TBX6: variants seen among roughly 807,000 people sequenced by gnomAD.
TBX6 encodes the protein T-box transcription factor 6, also known as T-box transcription factor TBX6.
Under a neutral mutation model 42.3 loss-of-function variants are expected in TBX6, and 29 were observed. The ratio of observed to expected loss-of-function variants is 0.69; its 90% confidence interval spans 0.51 to 0.93. The LOEUF is 0.93. Ranked by LOEUF, TBX6 falls within the 40% of genes least tolerant of loss-of-function variation. The pLI is 0.00. For missense variants in TBX6, 569 were observed against 603.3 expected (o/e 0.94, Z 0.59); for synonymous variants, 249 against 245.1 (o/e 1.02, Z -0.15).
Position 30,085,985 on chromosome 16 carries a change from C to CA in TBX6, c.*239dup. ...GGCCAGGCAGAGCCCCTTCCATTCA[C>CA]ACGGAGGTGAGAGCCGGGAAGGGGA... On this transcript the variant is annotated 3_prime_UTR_variant, in exon 9 of 9. Transcript: ENST00000395224. 3.8e-6 allele frequency: 2 copies of CA among 521,492 alleles called. No homozygotes were observed. Among genetic ancestry groups the CA allele is most frequent in the Non-Finnish European group, 6.7e-6 (2 of 296,512 alleles). The allele number at this position is 521,492 out of a possible 1,614,324, so 32.3% of individuals were successfully genotyped here.
Position 30,091,137 on chromosome 16 carries a change from G to A in TBX6, c.57C>T (p.Pro19=), listed in dbSNP as rs1206945745. Residue 19 remains proline, a synonymous_variant, in exon 2 of 9, where the codon CCC becomes CCT. Transcript: ENST00000395224. ...AGCTGGAGTCGGCCCCAGGTTGGGC[G>A]GGCCCCAGGCGGTAGCCGGCCCCCA... ...PSLGAGYRLG[P]AQPGADSSFP... The A allele has an allele frequency of 1.0e-5, 16 of 1,594,086 alleles. No individual in the cohort carries two copies. The South Asian group carries it at 1.0e-4, about 10-fold the overall frequency.
chr16:30,089,080 C>G lies in TBX6; in HGVS notation c.484G>C (p.Gly162Arg). Reference protein sequence around the residue: ...RWQGRRWEPSGKAEPRLPDRV... With the variant: ...RWQGRRWEPSRKAEPRLPDRV... ...TCAGGCAGGCGGGGCTCTGCCTTGC[C>G]GCTGGGCTCCCAGCGCCGGCCCTGC... The change falls in exon 4 of 9, where the codon GGC becomes CGC. Residue 162 changes from glycine to arginine, a missense_variant. Coordinates refer to ENST00000395224, the MANE Select transcript of TBX6 (RefSeq NM_004608.4). 6.2e-7 allele frequency: 1 copy of G among 1,613,822 alleles called. No homozygotes were observed. The highest frequency in any genetic ancestry group is 2.2e-5 in the East Asian group (1 of 44,866).
Position 30,086,624 on chromosome 16 carries a change from C to T in TBX6, c.985G>A (p.Ala329Thr). ...GGGGCAGCGGTGGCTTCCCCGGGGG[C>T]TGGGGCCTGTTCTGGATCTGATTCA... ...IRESDPEQAPAPGEATAAPAP... is the reference protein window; with the variant it reads ...IRESDPEQAPTPGEATAAPAP... Residue 329 changes from alanine to threonine, a missense_variant, in exon 8 of 9, where the codon GCC (alanine) becomes ACC (threonine). This residue lies in a region of TBX6 where 245 missense variants were observed against 227.4 expected (regional missense o/e 1.08). Transcript: ENST00000395224. This position sits in a 1 kb window ranked among gnomAD's most constrained non-coding sequence, Gnocchi z 4.6. The T allele has an allele frequency of 6.3e-7, 1 of 1,599,038 alleles. No homozygotes were observed. The highest frequency in any genetic ancestry group is 8.5e-7 in the Non-Finnish European group (1 of 1,174,658).
Position 30,089,094 on chromosome 16 carries a change from C to A in TBX6, c.470G>T (p.Arg157Leu). 1 of 1,613,856 alleles carries A rather than the reference C, an allele frequency of 6.2e-7. No homozygotes were observed. Among genetic ancestry groups the A allele is most frequent in the East Asian group, 2.2e-5 (1 of 44,872 alleles). Reference protein sequence around the residue: ...DGARYRWQGRRWEPSGKAEPR... With the variant: ...DGARYRWQGRLWEPSGKAEPR... ...CTCTGCCTTGCCGCTGGGCTCCCAG[C>A]GCCGGCCCTGCCAGCGGTAGCGAGC... is the stretch of plus-strand genomic sequence containing the variant. Residue 157 changes from arginine to leucine, a missense_variant, in exon 4 of 9, where the codon CGC (arginine) becomes CTC (leucine). This residue lies in a region of TBX6 where 190 missense variants were observed against 250.6 expected (regional missense o/e 0.76). Coordinates refer to ENST00000395224, the MANE Select transcript of TBX6 (RefSeq NM_004608.4).
chr16:30,086,197 G>A lies in TBX6; in HGVS notation c.*28C>T. The A allele has an allele frequency of 1.9e-6, 3 of 1,605,416 alleles. No homozygotes were observed. Among genetic ancestry groups the A allele is most frequent in the Non-Finnish European group, 2.5e-6 (3 of 1,177,088 alleles). On this transcript the variant is annotated 3_prime_UTR_variant, in exon 9 of 9. Transcript: ENST00000395224. This position sits in a 1 kb window ranked among gnomAD's most constrained non-coding sequence, Gnocchi z 4.6. ...TGGGGGAAGGGAGCGGGAGGTTTGT[G>A]ATGGAGGCAGAGGGGCCCAGCAGTG...
chr16:30,086,329 G>C lies in TBX6; in HGVS notation c.1207C>G (p.Pro403Ala). 1 of 1,606,576 alleles carries C rather than the reference G, an allele frequency of 6.2e-7. No homozygotes were observed. The highest frequency in any genetic ancestry group is 8.5e-7 in the Non-Finnish European group (1 of 1,177,858). The change falls in exon 9 of 9, where the codon CCG (proline) becomes GCG (alanine). Residue 403 changes from proline (P) to alanine (A), a missense_variant. Pro to Ala is a conservative substitution (Grantham distance 27). Coordinates refer to ENST00000395224, the MANE Select transcript of TBX6 (RefSeq NM_004608.4). The surrounding 1 kb of genome is among the most constrained non-coding windows in gnomAD (Gnocchi z 4.6). Reference sequence around the variant, plus strand: ...AAGTGCGGGGCAAAGGGTACCGCCGGTGGAGCCGCTGGGTACCCGGAGCCC... The same window carrying C: ...AAGTGCGGGGCAAAGGGTACCGCCGCTGGAGCCGCTGGGTACCCGGAGCCC... Reference protein sequence around the residue: ...SGGSGYPAAPPAVPFAPHFLQ... With the variant: ...SGGSGYPAAPAAVPFAPHFLQ...
intron 3 of TBX6, among the ~76,000 whole-genome samples, chr16:30,089,653 C>T (rs2072692528): frequency 1.3e-5 from 2 of 151,732 alleles, no homozygotes; most frequent in African/African-American, 4.8e-5. Flanking sequence ...GAAAAAGGGC[C>T]AGGCGCAGTG....
In TBX6 at chr16:30,086,120, CG is replaced by C; in HGVS notation, c.*104del. 8.8e-7 allele frequency: 1 copy of C among 1,137,388 alleles called. No homozygotes were observed. The highest frequency in any genetic ancestry group is 2.9e-4 in the Middle Eastern group (1 of 3,408). The allele number at this position is 1,137,388 out of a possible 1,614,324, so 70.5% of individuals were successfully genotyped here. On this transcript the variant is annotated 3_prime_UTR_variant, in exon 9 of 9. Coordinates refer to ENST00000395224, the MANE Select transcript of TBX6 (RefSeq NM_004608.4). The surrounding 1 kb of genome is among the most constrained non-coding windows in gnomAD (Gnocchi z 4.6). ...AGGGGGTGGGTGGGCAGGCCCAAGG[CG>C]GCCATTTGGTGTGGGGGATGGGGCC... is the stretch of plus-strand genomic sequence containing the variant.
In TBX6 at chr16:30,086,074, T is replaced by C; in HGVS notation, c.*151A>G. 3.2e-6 allele frequency: 2 copies of C among 616,372 alleles called. No homozygotes were observed. The highest frequency in any genetic ancestry group is 5.1e-6 in the Non-Finnish European group (2 of 395,674). 38.2% of individuals were successfully genotyped at this position (616,372 alleles called of 1,614,324 possible). A position where few individuals can be genotyped will look rare whatever the true frequency, so the allele number is the denominator to read the frequency against. On this transcript the variant is annotated 3_prime_UTR_variant, in exon 9 of 9. Transcript: ENST00000395224. The surrounding 1 kb of genome is among the most constrained non-coding windows in gnomAD (Gnocchi z 4.6). ...CTTTGAAGCCAGAGGGGGGTGGGAG[T>C]GAAATCAAGGTGTGAAGTTGAGGGG... is the stretch of plus-strand genomic sequence containing the variant.
chr16:30,086,716 G>A lies in TBX6; in HGVS notation c.914-21C>T, dbSNP rs751766680. ...TGTGTCTGGGGAGAGGGAAGGGAGAGGTTGGGCTAGGGAGGATCCCTGTCT... is the reference window on the plus strand; with the variant it reads ...TGTGTCTGGGGAGAGGGAAGGGAGAAGTTGGGCTAGGGAGGATCCCTGTCT... On this transcript the variant is annotated intron_variant, in intron 7 of 8. Coordinates refer to ENST00000395224, the MANE Select transcript of TBX6 (RefSeq NM_004608.4). This position sits in a 1 kb window ranked among gnomAD's most constrained non-coding sequence, Gnocchi z 4.6. 4 of 1,612,830 alleles carry A rather than the reference G, an allele frequency of 2.5e-6. No homozygotes were observed. The highest frequency in any genetic ancestry group is 3.4e-6 in the Non-Finnish European group (4 of 1,179,320).
At chr16:30,090,358 T>C (rs139485756) in intron 3 of TBX6, among the ~76,000 whole-genome samples, 1 of 152,150 alleles carries the variant, frequency 6.6e-6, no homozygotes. Context: ...TGACTCCTAT[T>C]CGAGTTGCAT....
intron 3 of TBX6, 97 bp downstream of exon 3, chr16:30,090,661 G>A: frequency 8.0e-7 from 1 of 1,248,682 alleles, no homozygotes; most frequent in South Asian, 1.5e-5. Context: ...CAGAGCTCTA[G>A]CCCCTCGGGA....
Position 30,085,801 on chromosome 16 carries a change from G to A in TBX6, c.*424C>T, listed in dbSNP as rs2072615496. On this transcript the variant is annotated 3_prime_UTR_variant, in exon 9 of 9. Coordinates refer to ENST00000395224, the MANE Select transcript of TBX6 (RefSeq NM_004608.4). ...AACACAGGAGCCCAATGTTTCCTGA[G>A]CATGGATGGCTTTTGAGTTTTATTA... is the stretch of plus-strand genomic sequence containing the variant. 1.4e-5 allele frequency: 3 copies of A among 208,196 alleles called. No individual in the cohort carries two copies. The highest frequency in any genetic ancestry group is 1.3e-4 in the South Asian group (2 of 15,872). The allele number at this position is 208,196 out of a possible 1,614,324, so 12.9% of individuals were successfully genotyped here.
rs775474329 is a variant in TBX6, at chr16:30,088,971, G to A, written c.593C>T (p.Thr198Ile). The change falls in exon 4 of 9, where the codon ACC becomes ATC. Residue 198 changes from threonine to isoleucine, a missense_variant. Around this residue, in one of 3 missense-constraint regions of TBX6, gnomAD observed 190 missense variants for 250.6 expected, o/e 0.76. Transcript: ENST00000395224. This position sits in a 1 kb window ranked among gnomAD's most constrained non-coding sequence, Gnocchi z 4.1. ...GCCGTGGGGGTCCAGCGTGCTGTTG[G>A]TGAGCTTGACACGATGGAAAGACAC... ...QPVSFHRVKL[T>I]NSTLDPHGHL... The A allele has an allele frequency of 6.2e-7, 1 of 1,611,884 alleles. No individual in the cohort carries two copies. Among genetic ancestry groups the A allele is most frequent in the Non-Finnish European group, 8.5e-7 (1 of 1,178,424 alleles).
chr16:30,091,064 C>G lies in TBX6; in HGVS notation c.118+12G>C, dbSNP rs934192703. ...CCTATTCTCCTACCCAGGAGCTGGT[C>G]CCAACGCTCACCGGGGTAGCGGTAG... On this transcript the variant is annotated intron_variant, in intron 2 of 8. Transcript: ENST00000395224. 15 of 1,586,614 alleles carry G rather than the reference C, an allele frequency of 9.5e-6. No individual in the cohort carries two copies. Among genetic ancestry groups the G allele is most frequent in the Middle Eastern group, 1.7e-4 (1 of 6,020 alleles).
At chr16:30,087,849 C>T (rs2072659377) in intron 6 of TBX6, 1 of 151,828 alleles carries the variant, frequency 6.6e-6, no homozygotes, top group Admixed American at 6.6e-5. Flanking sequence ...TCACCCCAGT[C>T]CTTCCTATCT....
chr16:30,090,925 C>A lies in TBX6; in HGVS notation c.186G>T (p.Ala62=), dbSNP rs148489699. ...GGGGCAGAAGGGGCAGAGGTGGGTG[C>A]GCGGCCAGGGTGCGGGGAGCAGCCT... ...GMEAAPRTLA[A]HPPLPLLPPA... is the part of the protein sequence containing the mutation. Residue 62 remains alanine, a synonymous_variant, in exon 3 of 9, where the codon GCG becomes GCT. Transcript: ENST00000395224. The A allele has an allele frequency of 1.1e-5, 17 of 1,612,200 alleles. No individual in the cohort carries two copies. In the African/African-American group the frequency reaches 1.9e-4, roughly 18 times the overall value.
rs779088713 is a variant in TBX6, at chr16:30,088,742, C to T, written c.719G>A (p.Arg240His). ...SQHWGGMASF[R>H]FPETTFISVT... ...GGAGATGAATGTGGTCTCGGGGAAG[C>T]GGAAGGAGGCCATGCCCCCCCAGTG... is the stretch of plus-strand genomic sequence containing the variant. Residue 240 changes from arginine (R) to histidine (H), a missense_variant, in exon 5 of 9, where the codon CGC (arginine) becomes CAC (histidine). Physicochemically the swap from Arg to His is conservative, Grantham distance 29 (BLOSUM62 0). Coordinates refer to ENST00000395224, the MANE Select transcript of TBX6 (RefSeq NM_004608.4). This position sits in a 1 kb window ranked among gnomAD's most constrained non-coding sequence, Gnocchi z 4.1. 1.2e-5 allele frequency: 20 copies of T among 1,613,860 alleles called. No homozygotes were observed. The highest frequency in any genetic ancestry group is 1.6e-4 in the Middle Eastern group (1 of 6,084).
At position 30,088,329 on chromosome 16, in the gene TBX6, T is replaced by A. The variant is rs2072670389; in HGVS notation, c.839+216A>T. 6.3e-6 allele frequency: 4 copies of A among 633,142 alleles called. No homozygotes were observed. Among genetic ancestry groups the A allele is most frequent in the South Asian group, 1.9e-5 (1 of 52,866 alleles). The allele number at this position is 633,142 out of a possible 1,614,324, so 39.2% of individuals were successfully genotyped here. A position where few individuals can be genotyped will look rare whatever the true frequency, so the allele number is the denominator to read the frequency against. ...CTCTCCCCACTAGAAATCAGCTGCA[T>A]GAGGGCCGGGGCTTTGGTTTGCTTT... On this transcript the variant is annotated intron_variant, in intron 6 of 8. Coordinates refer to ENST00000395224, the MANE Select transcript of TBX6 (RefSeq NM_004608.4). This position sits in a 1 kb window ranked among gnomAD's most constrained non-coding sequence, Gnocchi z 4.1.
Sources: gnomAD v4.1 joint callset for allele counts (sites outside exome capture counted in the v4.1 genomes callset) on GRCh38, gnomAD v4.1.1 for gene constraint, gnomAD v4.1.1 regional missense constraint, Gnocchi (gnomAD v3.1) non-coding constraint, MANE v1.5 for transcripts, NCBI Gene and HGNC (gene_info 2026-07-23, HGNC 2026-07-21) for gene names.